Variants in DACH1 observed in about 807,000 individuals in gnomAD.
DACH1 encodes the protein dachshund family transcription factor 1.
DACH1 carries 12 observed loss-of-function variants against 54.2 expected under a neutral mutation model. The observed-to-expected ratio is 0.22, with a 90% CI of 0.14 to 0.36. The LOEUF (loss-of-function observed/expected upper bound fraction) is 0.36. Among genes scored for constraint, DACH1 ranks in the 10% least tolerant of loss-of-function variants. The probability of loss-of-function intolerance (pLI) is 1.00; values close to 1 mark genes in which losing one functional copy is unlikely to be tolerated. For synonymous variants in DACH1, 386 were observed against 366.2 expected (o/e 1.05, Z -0.62); for missense variants, 805 against 929.8 (o/e 0.87, Z 1.75).
intron 3 of DACH1, among the ~76,000 whole-genome samples, chr13:71,608,837 G>T (rs1254356279): frequency 6.6e-6 from 1 of 151,958 alleles, no homozygotes; most frequent in Non-Finnish European, 1.5e-5. Context: ...TACATGCACT[G>T]GCCATAACGA....
intron 2 of DACH1, among the ~76,000 whole-genome samples, chr13:71,656,341 T>C (rs1388530550): frequency 6.6e-6 from 1 of 152,142 alleles, no homozygotes; most frequent in Non-Finnish European, 1.5e-5. Flanking sequence ...CTTCTATTTA[T>C]TTATTTATTT....
chr13:71,489,065 CTGGAGGCAGTGG>C lies in DACH1; in HGVS notation c.1642_1653del (p.Pro548_Pro551del). On this transcript the variant is annotated inframe_deletion, in exon 7 of 11. Coordinates refer to ENST00000613252, the MANE Select transcript of DACH1 (RefSeq NM_080759.6). ...GGAAACAGAAAAGGAGATGGAAAAC[CTGGAGGCAGTGG>C]TTGTCCATGCCCAGTTAGAGAGAGT... 1 of 1,613,682 alleles carries C rather than the reference CTGGAGGCAGTGG, an allele frequency of 6.2e-7. No individual in the cohort carries two copies. The highest frequency in any genetic ancestry group is 8.5e-7 in the Non-Finnish European group (1 of 1,179,808).
chr13:71,505,326 C>T (rs1033064600), intron 6 of DACH1, among the ~76,000 whole-genome samples: 1 of 152,122 alleles, frequency 6.6e-6, no homozygotes, highest in East Asian at 1.9e-4. Context: ...CATGATCCAC[C>T]CACCTCGGCC....
chr13:71,588,950 A>T (rs1238396784), intron 3 of DACH1, among the ~76,000 whole-genome samples: 4 of 152,010 alleles, frequency 2.6e-5, no homozygotes, highest in African/African-American at 4.8e-5. Flanking sequence ...TATTAAGTCA[A>T]TGTCCATCAT....
chr13:71,779,195 ACG>A (rs1886224090), intron 1 of DACH1, among the ~76,000 whole-genome samples: 7 of 126,670 alleles, frequency 5.5e-5, no homozygotes, highest in Admixed American at 1.5e-4. Context: ...ATACGTATAT[ACG>A]TATATATGTG....
intron 1 of DACH1, among the ~76,000 whole-genome samples, chr13:71,736,928 C>A (rs796201534): frequency 7.2e-5 from 11 of 152,240 alleles, no homozygotes; most frequent in African/African-American, 2.6e-4. Flanking sequence ...AAAACCATAA[C>A]ACCATATACA....
intron 2 of DACH1, among the ~76,000 whole-genome samples, chr13:71,667,413 C>T (rs996876128): frequency 2.6e-5 from 4 of 152,114 alleles, no homozygotes; most frequent in African/African-American, 9.7e-5. Flanking sequence ...GGATGATACG[C>T]TAATGGGAGT....
At chr13:71,683,442 GAAACCATGA>G (rs1361502364) in intron 1 of DACH1, among the ~76,000 whole-genome samples, 1 of 152,066 alleles carries the variant, frequency 6.6e-6, no homozygotes, top group Non-Finnish European at 1.5e-5. Context: ...AGAAATAAAT[GAAACCATGA>G]AAAATGTATG....
chr13:71,519,883 G>GTGTGTATATATATATATATATATA (rs552808622), intron 6 of DACH1, among the ~76,000 whole-genome samples: 4 of 29,352 alleles, frequency 1.4e-4, no homozygotes, highest in Non-Finnish European at 3.9e-4. Context: ...AACCAAAGTA[G>GTGTGTATATATATATATATATATA]TATATATATA....
At chr13:71,701,894 G>A (rs527838239) in intron 1 of DACH1, among the ~76,000 whole-genome samples, 44 of 152,150 alleles carry the variant, frequency 2.9e-4, no homozygotes, top group African/African-American at 1.1e-3. Context: ...CTAGTCCAGT[G>A]CTTTCTTGCG....
At chr13:71,828,193 G>A (rs2138199672) in intron 1 of DACH1, among the ~76,000 whole-genome samples, 1 of 152,046 alleles carries the variant, frequency 6.6e-6, no homozygotes, top group South Asian at 2.1e-4. Flanking sequence ...ATCACATAGG[G>A]ACATTTATTT....
At chr13:71,722,960 C>T (rs766713780) in intron 1 of DACH1, among the ~76,000 whole-genome samples, 2 of 152,098 alleles carry the variant, frequency 1.3e-5, no homozygotes, top group Non-Finnish European at 2.9e-5. Flanking sequence ...TATTTGGAGA[C>T]TTTGTAAAGG....
intron 1 of DACH1, among the ~76,000 whole-genome samples, chr13:71,839,689 G>T (rs1290594444): frequency 1.3e-5 from 2 of 152,074 alleles, no homozygotes; most frequent in Non-Finnish European, 2.9e-5. Context: ...CTTTTCCCTT[G>T]AGTTCCAAAT....
intron 3 of DACH1, among the ~76,000 whole-genome samples, chr13:71,608,717 TTC>T (rs989687298): frequency 6.6e-6 from 1 of 152,138 alleles, no homozygotes; most frequent in Admixed American, 6.5e-5. Flanking sequence ...AGTATAATGA[TTC>T]TTCAAAAGGA....
intron 1 of DACH1, among the ~76,000 whole-genome samples, chr13:71,697,831 A>T (rs1188757191): frequency 2.0e-5 from 3 of 152,204 alleles, no homozygotes; most frequent in African/African-American, 4.8e-5. Context: ...TATTAATTTT[A>T]AAAATGGTGT....
At chr13:71,516,209 T>C (rs1881148382) in intron 6 of DACH1, among the ~76,000 whole-genome samples, 1 of 151,876 alleles carries the variant, frequency 6.6e-6, no homozygotes. Context: ...AAATACCTTG[T>C]AGAAACTTAA....
intron 2 of DACH1, among the ~76,000 whole-genome samples, chr13:71,657,301 T>C (rs1272979622): frequency 1.3e-5 from 2 of 151,836 alleles, no homozygotes; most frequent in African/African-American, 2.4e-5. Flanking sequence ...ATTCCAGCAT[T>C]TAAACACAGT....
intron 10 of DACH1, among the ~76,000 whole-genome samples, chr13:71,468,695 T>C (rs984794689): frequency 3.3e-5 from 5 of 152,248 alleles, no homozygotes; most frequent in Admixed American, 6.5e-5. Context: ...AAATGTCATA[T>C]ATTAAATCAA....
At position 71,748,944 on chromosome 13, in the gene DACH1, CTTTCTTTCTCTCTTTCTT is replaced by C. The variant is rs1566477120; in HGVS notation, c.849-67052_849-67035del. Among the ~76,000 whole-genome samples, 291 of 43,848 alleles carry C rather than the reference CTTTCTTTCTCTCTTTCTT, an allele frequency of 6.6e-3. 20 individuals are homozygous for C. Among genetic ancestry groups the C allele is most frequent in the African/African-American group, 0.013 (263 of 19,912 alleles). The allele number at this position is 43,848 out of a possible 152,430, so 28.8% of individuals were successfully genotyped here. ...TCTTTCTTTCTTTCTTTCTTTCTTTCTTTCTTTCTCTCTTTCTTTCTCTCTCTCTCTTTCTTCTTTCCT... is the reference window on the plus strand; with the variant it reads ...TCTTTCTTTCTTTCTTTCTTTCTTTCTCTCTCTCTCTCTTTCTTCTTTCCT... On this transcript the variant is annotated intron_variant, in intron 1 of 10. Transcript: ENST00000613252.
Sources: gnomAD v4.1 joint callset for allele counts (sites outside exome capture counted in the v4.1 genomes callset) on GRCh38, gnomAD v4.1.1 for gene constraint, MANE v1.5 for transcripts, NCBI Gene and HGNC (gene_info 2026-07-23, HGNC 2026-07-21) for gene names.